The following ASTN2 variants were observed in gnomAD, a reference collection of about 807,000 sequenced individuals.
ASTN2 encodes the protein astrotactin-2.
Under a neutral mutation model 139.8 loss-of-function variants are expected in ASTN2, and 54 were observed. The ratio of observed to expected loss-of-function variants is 0.39; its 90% CI spans 0.31 to 0.48. ASTN2 has a LOEUF of 0.48. Among genes scored for constraint, ASTN2 ranks in the 20% least tolerant of loss-of-function variants. The pLI, the probability that ASTN2 is intolerant of heterozygous loss-of-function variation, is 0.95. For missense variants in ASTN2, 1,565 were observed against 1,725.1 expected (o/e 0.91, Z 1.64); for synonymous variants, 756 against 719.5 (o/e 1.05, Z -0.81).
At position 117,277,788 on chromosome 9, in the gene ASTN2, G is replaced by A. The variant is rs1055532943; in HGVS notation, c.630+13538C>T. On this transcript the variant is annotated intron_variant, in intron 2 of 22. Transcript: ENST00000313400. ...TTTAGTCTCCTCCTAGGTGATCTGG[G>A]TAAACTACCCTAAATAACTGTTTCA... Among the ~76,000 whole-genome samples, 5 of 152,238 alleles carry A rather than the reference G, an allele frequency of 3.3e-5. No individual in the cohort carries two copies. In the South Asian group the frequency reaches 1.0e-3, roughly 32 times the overall value.
At position 116,817,111 on chromosome 9, in the gene ASTN2, G is replaced by A. The variant is rs146241561; in HGVS notation, c.2207+3506C>T. On this transcript the variant is annotated intron_variant, in intron 12 of 22. Transcript: ENST00000313400. ...AGATCGAGACCATTCTAGCTAACAC[G>A]CTGAAACCCCATCTCTACTAAAAAT... 6.6e-3 allele frequency among the ~76,000 whole-genome samples: 1,007 copies of A among 151,842 alleles called. 3 individuals carry two copies. The highest frequency in any genetic ancestry group is 0.01 in the Non-Finnish European group (691 of 67,934).
intron 16 of ASTN2, among the ~76,000 whole-genome samples, chr9:116,678,370 A>C (rs1186728482): frequency 6.6e-6 from 1 of 152,122 alleles, no homozygotes; most frequent in Non-Finnish European, 1.5e-5. Context: ...AAAATCACTT[A>C]CTTATCAGGT....
intron 2 of ASTN2, among the ~76,000 whole-genome samples, chr9:117,289,265 G>A (rs553100721): frequency 6.6e-6 from 1 of 152,216 alleles, no homozygotes; most frequent in Non-Finnish European, 1.5e-5. Context: ...GGGTCACTTT[G>A]GCTCATGGGT....
At chr9:117,241,096 G>A (rs1389255443) in intron 2 of ASTN2, among the ~76,000 whole-genome samples, 3 of 152,162 alleles carry the variant, frequency 2.0e-5, no homozygotes, top group African/African-American at 7.2e-5. Flanking sequence ...GCCATTCAAA[G>A]CTAGTGGGAC....
chr9:116,848,276 C>T (rs1048686153), intron 11 of ASTN2, among the ~76,000 whole-genome samples: 2 of 152,174 alleles, frequency 1.3e-5, no homozygotes, highest in Non-Finnish European at 2.9e-5. Context: ...TCAGAAGCCT[C>T]ATGTCCTATT....
intron 16 of ASTN2, among the ~76,000 whole-genome samples, chr9:116,714,818 G>A (rs1238164066): frequency 0.031 from 114 of 3,674 alleles, 48 homozygotes; most frequent in African/African-American, 7.2e-3. Flanking sequence ...GGTGGCTCAC[G>A]CCTGTAATCC....
chr9:116,908,897 A>G lies in ASTN2; in HGVS notation c.1890-45164T>C, dbSNP rs141410516. Among the ~76,000 whole-genome samples the G allele has an allele frequency of 2.0e-3, 307 of 152,318 alleles. 2 individuals carry two copies. The highest frequency in any genetic ancestry group is 0.01 in the Middle Eastern group (3 of 294). ...TGGGGCTACTTGTACATCTGGGTGAAGTGCATTTCCTGATGAGGAAATGGG... is the reference window on the plus strand; with the variant it reads ...TGGGGCTACTTGTACATCTGGGTGAGGTGCATTTCCTGATGAGGAAATGGG... On this transcript the variant is annotated intron_variant, in intron 10 of 22. Coordinates refer to ENST00000313400, the MANE Select transcript of ASTN2 (RefSeq NM_001365068.1).
intron 19 of ASTN2, among the ~76,000 whole-genome samples, chr9:116,571,062 A>T (rs1452664237): frequency 6.6e-6 from 1 of 152,234 alleles, no homozygotes; most frequent in East Asian, 1.9e-4. Context: ...TCAGGATTAA[A>T]TGAGATGGGG....
At chr9:116,529,873 G>T (rs992298360) in intron 19 of ASTN2, among the ~76,000 whole-genome samples, 3 of 151,908 alleles carry the variant, frequency 2.0e-5, no homozygotes, top group Non-Finnish European at 2.9e-5. Flanking sequence ...CAGCCATGGG[G>T]AACTGTGAGT....
chr9:117,266,255 T>G (rs1162589089), intron 2 of ASTN2, among the ~76,000 whole-genome samples: 1 of 152,112 alleles, frequency 6.6e-6, no homozygotes, highest in Non-Finnish European at 1.5e-5. Flanking sequence ...CTAAATGCCA[T>G]GGGATCCAGT....
At chr9:117,326,678 G>A (rs1037862677) in intron 1 of ASTN2, among the ~76,000 whole-genome samples, 3 of 152,076 alleles carry the variant, frequency 2.0e-5, no homozygotes, top group African/African-American at 2.4e-5. Context: ...ACACAGTCCC[G>A]ACCCACTAAG....
chr9:117,283,576 G>A (rs925058378), intron 2 of ASTN2, among the ~76,000 whole-genome samples: 1 of 152,156 alleles, frequency 6.6e-6, no homozygotes, highest in Non-Finnish European at 1.5e-5. Context: ...GTTAAGAAGG[G>A]GATGTGACTT....
chr9:116,621,102 C>T (rs1336550445), intron 17 of ASTN2, among the ~76,000 whole-genome samples: 2 of 152,160 alleles, frequency 1.3e-5, no homozygotes, highest in African/African-American at 2.4e-5. Context: ...ACAGTGAATT[C>T]CTGTTTATAT....
intron 17 of ASTN2, among the ~76,000 whole-genome samples, chr9:116,622,495 T>G (rs1446897954): frequency 6.6e-6 from 1 of 152,222 alleles, no homozygotes; most frequent in African/African-American, 2.4e-5. Flanking sequence ...ACAATAGTCC[T>G]GAGACACAGA....
intron 13 of ASTN2, among the ~76,000 whole-genome samples, chr9:116,780,759 C>T (rs1226252252): frequency 6.6e-6 from 1 of 152,020 alleles, no homozygotes; most frequent in African/African-American, 2.4e-5. Flanking sequence ...TTTGTATATA[C>T]TAGGACTTAG....
chr9:116,851,041 A>G (rs1166611593), intron 11 of ASTN2, among the ~76,000 whole-genome samples: 1 of 152,202 alleles, frequency 6.6e-6, no homozygotes, highest in African/African-American at 2.4e-5. Context: ...CTTACACAGC[A>G]GTACTTAGTT....
At chr9:116,942,660 G>A (rs113696610) in intron 10 of ASTN2, among the ~76,000 whole-genome samples, 1 of 152,196 alleles carries the variant, frequency 6.6e-6, no homozygotes, top group Non-Finnish European at 1.5e-5. Flanking sequence ...GGATCGTGAG[G>A]GCTTCCCTGA....
At chr9:116,591,462 A>G (rs546448550) in intron 19 of ASTN2, among the ~76,000 whole-genome samples, 85 of 152,366 alleles carry the variant, frequency 5.6e-4, no homozygotes, top group African/African-American at 2.0e-3. Flanking sequence ...CCAGGCTGGT[A>G]GCATAAGCCA....
At chr9:116,624,570 AC>A (rs1413220767) in intron 17 of ASTN2, among the ~76,000 whole-genome samples, 1 of 151,752 alleles carries the variant, frequency 6.6e-6, no homozygotes, top group Non-Finnish European at 1.5e-5. Flanking sequence ...TTAGGTAAAC[AC>A]CCTCTACTTA....
Sources: allele counts gnomAD v4.1 joint callset (sites outside exome capture counted in the v4.1 genomes callset), GRCh38; gene constraint gnomAD v4.1.1; transcripts MANE v1.5; gene names NCBI Gene and HGNC (gene_info 2026-07-23, HGNC 2026-07-21).